PUM3: variants seen among roughly 807,000 people sequenced by gnomAD.
The protein encoded by PUM3 is pumilio homolog 3.
A neutral mutation model predicts 84.0 loss-of-function variants in PUM3; 91 were observed. The observed-to-expected ratio is 1.08, with a 90% CI of 0.91 to 1.29. The LOEUF (loss-of-function observed/expected upper bound fraction) is 1.29. Ranked by LOEUF, PUM3 falls within the 50% of genes most tolerant of loss-of-function variation. The pLI, the probability that PUM3 is intolerant of heterozygous loss-of-function variation, is 0.00. For synonymous variants in PUM3, 321 were observed against 266.7 expected (o/e 1.20, Z -1.98); for missense variants, 1,067 against 767.5 (o/e 1.39, Z -4.61).
intron 17 of PUM3, among the ~76,000 whole-genome samples, chr9:2,804,976 A>G (rs771380834): frequency 2.0e-5 from 3 of 152,184 alleles, no homozygotes; most frequent in Non-Finnish European, 2.9e-5. Context: ...CAGCACTAAC[A>G]TTGAGTGAAA....
At chr9:2,820,242 G>C in intron 12 of PUM3, 144 bp from the exon 13 acceptor site, 2 of 503,370 alleles carry the variant, frequency 4.0e-6, no homozygotes, top group Non-Finnish European at 7.1e-6. Flanking sequence ...TTGACAACTT[G>C]TCTAACATAA....
intron 17 of PUM3, among the ~76,000 whole-genome samples, chr9:2,806,139 AC>A (rs1311028861): frequency 6.6e-6 from 1 of 152,220 alleles, no homozygotes; most frequent in African/African-American, 2.4e-5. Flanking sequence ...TGATTGATGA[AC>A]AACCTTTATA....
intron 12 of PUM3, 26 bp downstream of exon 12, chr9:2,823,755 A>G (rs776834261): frequency 2.0e-5 from 22 of 1,081,358 alleles, no homozygotes; most frequent in Non-Finnish European, 2.8e-5. Flanking sequence ...AAAAATAATT[A>G]GAATATGTAG....
chr9:2,812,824 T>C (rs1821399659), intron 13 of PUM3, among the ~76,000 whole-genome samples: 1 of 152,202 alleles, frequency 6.6e-6, no homozygotes. Flanking sequence ...TTATGGCCAG[T>C]ATTTCTTGGG....
intron 14 of PUM3, 87 bp downstream of exon 14, chr9:2,812,133 A>G (rs1166082170): frequency 1.8e-6 from 2 of 1,113,252 alleles, no homozygotes; most frequent in African/African-American, 3.1e-5. Context: ...TAGAGAGGGT[A>G]TGGATGGGTA....
At chr9:2,830,887 C>T (rs532071599) in intron 7 of PUM3, 75 bp downstream of exon 7, 3 of 743,486 alleles carry the variant, frequency 4.0e-6, no homozygotes, top group Admixed American at 2.6e-5. Context: ...CTTCCTATCT[C>T]GCATCTGAGC....
chr9:2,835,312 G>A (rs905997887), intron 3 of PUM3, among the ~76,000 whole-genome samples: 5 of 152,146 alleles, frequency 3.3e-5, no homozygotes, highest in African/African-American at 9.7e-5. Flanking sequence ...CAGCTACTTG[G>A]GAGGCTGAGG....
At chr9:2,822,026 C>G (rs1168409647) in intron 12 of PUM3, among the ~76,000 whole-genome samples, 1 of 152,118 alleles carries the variant, frequency 6.6e-6, no homozygotes, top group Non-Finnish European at 1.5e-5. Context: ...GTGCCTAGTA[C>G]AAAATCACTG....
intron 12 of PUM3, among the ~76,000 whole-genome samples, chr9:2,823,579 A>C (rs1815726662): frequency 6.6e-6 from 1 of 152,190 alleles, no homozygotes; most frequent in African/African-American, 2.4e-5. Flanking sequence ...TGTTAAATTA[A>C]AAAAGGAGAA....
At chr9:2,806,173 A>T (rs1821254838) in intron 17 of PUM3, among the ~76,000 whole-genome samples, 1 of 152,212 alleles carries the variant, frequency 6.6e-6, no homozygotes. Flanking sequence ...GGCATTGCTG[A>T]AATTTCCAGT....
At chr9:2,812,388 G>C in intron 13 of PUM3, 26 bp from the exon 14 acceptor site, 3 of 1,448,060 alleles carry the variant, frequency 2.1e-6, no homozygotes, top group Non-Finnish European at 9.5e-7. Context: ...CAAAAAAAAA[G>C]AATCAATATC....
Position 2,837,179 on chromosome 9 carries a change from C to A in PUM3, c.304+1G>T. On this transcript the variant is annotated splice_donor_variant, in intron 3 of 17. Transcript: ENST00000397885. LOFTEE classifies it high-confidence loss of function. ...TCAGGCATGAACGAACCAGTACTTA[C>A]CATCGCTTCTACCATCTGGCTGGAA... The A allele has an allele frequency of 6.2e-7, 1 of 1,613,650 alleles. No homozygotes were observed. The highest frequency in any genetic ancestry group is 1.3e-5 in the African/African-American group (1 of 75,044).
In PUM3 at chr9:2,804,225, A is replaced by C; in HGVS notation, c.*106T>G. The C allele has an allele frequency of 1.8e-6, 2 of 1,082,754 alleles. No homozygotes were observed. Among genetic ancestry groups the C allele is most frequent in the Non-Finnish European group, 2.7e-6 (2 of 747,056 alleles). 67.1% of individuals were successfully genotyped at this position (1,082,754 alleles called of 1,614,324 possible). ...ATACAAAGAAGAAACACATATACAG[A>C]GTACCCCAATTACCAGTATGGTGGA... On this transcript the variant is annotated 3_prime_UTR_variant, in exon 18 of 18. Coordinates refer to ENST00000397885, the MANE Select transcript of PUM3 (RefSeq NM_014878.5).
intron 10 of PUM3, among the ~76,000 whole-genome samples, chr9:2,826,322 G>A (rs959903042): frequency 1.3e-5 from 2 of 152,088 alleles, no homozygotes; most frequent in Non-Finnish European, 2.9e-5. Flanking sequence ...TATTTTTCAG[G>A]AAGTAAGAAA....
In PUM3 at chr9:2,827,079, G is replaced by C. The variant is rs1191796195; in HGVS notation, c.1029C>G (p.Leu343=). The part of the protein sequence containing the change: ...LDFFTYAPPK[L]RSEMIEAIRE... ...ACAAAAACCAAGAACTTACTGATCT[G>C]AGTTTGGGGGGTGCATAGGTAAAAA... is the stretch of plus-strand genomic sequence containing the variant. The change falls in exon 10 of 18, where the codon CTC becomes CTG. Residue 343 remains leucine (L), a synonymous_variant. Transcript: ENST00000397885. 5 of 1,607,688 alleles carry C rather than the reference G, an allele frequency of 3.1e-6. No homozygotes were observed. Among genetic ancestry groups the C allele is most frequent in the East Asian group, 2.2e-5 (1 of 44,666 alleles).
chr9:2,818,068 G>C (rs1002426555), intron 13 of PUM3, among the ~76,000 whole-genome samples: 2 of 152,234 alleles, frequency 1.3e-5, no homozygotes, highest in Admixed American at 1.3e-4. Context: ...ATTTTGGGAA[G>C]TCTGGTGCCC....
chr9:2,809,964 C>T (rs1000569149), intron 16 of PUM3, among the ~76,000 whole-genome samples: 13 of 152,190 alleles, frequency 8.5e-5, no homozygotes, highest in African/African-American at 3.1e-4. Context: ...TGCCTTTCTA[C>T]TGAGGTAATG....
rs191090443 is a variant in PUM3 at position 2,843,073 on chromosome 9, G to A, written c.-11+972C>T. ...CCAAATGTAATACATTTTCTAAAGAGAACCAGGGCCTATTCATGATTCTCA... is the reference window on the plus strand; with the variant it reads ...CCAAATGTAATACATTTTCTAAAGAAAACCAGGGCCTATTCATGATTCTCA... On this transcript the variant is annotated intron_variant, in intron 1 of 17. Transcript: ENST00000397885. Among the ~76,000 whole-genome samples, 4 of 152,190 alleles carry A rather than the reference G, an allele frequency of 2.6e-5. No homozygotes were observed. In the East Asian group the frequency reaches 7.7e-4, roughly 29 times the overall value.
rs560365574 is a variant in PUM3 at position 2,806,935 on chromosome 9, A to G, written c.1814+879T>C. Reference sequence around the variant, plus strand: ...TCATTAAAAAAAATACAGGCTGGGCACAGTGGCTCATGCCTGTAATCCCAG... The same window carrying G: ...TCATTAAAAAAAATACAGGCTGGGCGCAGTGGCTCATGCCTGTAATCCCAG... On this transcript the variant is annotated intron_variant, in intron 17 of 17. Transcript: ENST00000397885. Among the ~76,000 whole-genome samples the G allele has an allele frequency of 1.2e-3, 176 of 152,332 alleles. 3 individuals carry two copies. The highest frequency in any genetic ancestry group is 1.3e-4 in the Non-Finnish European group (9 of 68,026).
Sources: allele counts gnomAD v4.1 joint callset (sites outside exome capture counted in the v4.1 genomes callset), GRCh38; gene constraint gnomAD v4.1.1; transcripts MANE v1.5; gene names NCBI Gene and HGNC (gene_info 2026-07-23, HGNC 2026-07-21).